The following TCERG1L variants were observed in gnomAD, a reference collection of about 807,000 sequenced individuals.
TCERG1L encodes the protein transcription elongation regulator 1-like protein.
TCERG1L carries 37 observed loss-of-function variants against 56.3 expected under a neutral mutation model. The ratio of observed to expected loss-of-function variants is 0.66; its 90% CI spans 0.51 to 0.87. TCERG1L has a LOEUF of 0.87. TCERG1L is among the 40% of genes least tolerant of loss of function. TCERG1L has a pLI of 0.00. For missense variants in TCERG1L, 799 were observed against 774.2 expected (o/e 1.03, Z -0.38); for synonymous variants, 324 against 326.3 (o/e 0.99, Z 0.08).
intron 8 of TCERG1L, among the ~76,000 whole-genome samples, chr10:131,122,982 G>A (rs548043823): frequency 4.6e-5 from 7 of 152,176 alleles, no homozygotes; most frequent in Admixed American, 3.9e-4. Flanking sequence ...ATTTCCAAGG[G>A]GTCCTCCCAA....
At chr10:131,250,374 G>A (rs1015777389) in intron 4 of TCERG1L, among the ~76,000 whole-genome samples, 8 of 93,066 alleles carry the variant, frequency 8.6e-5, no homozygotes, top group African/African-American at 4.4e-4. Flanking sequence ...TTCAAGTGAG[G>A]TGGAGGGATC....
intron 4 of TCERG1L, among the ~76,000 whole-genome samples, chr10:131,259,805 G>A (rs527406281): frequency 6.6e-6 from 1 of 152,342 alleles, no homozygotes; most frequent in Admixed American, 6.5e-5. Context: ...CCAGCCCAGG[G>A]CCAGAAGGCA....
At chr10:131,280,400 G>C (rs1352613993) in intron 3 of TCERG1L, among the ~76,000 whole-genome samples, 1 of 147,846 alleles carries the variant, frequency 6.8e-6, no homozygotes, top group African/African-American at 2.5e-5. Flanking sequence ...CTGGAAACGA[G>C]GGACAACCCA....
At chr10:131,287,182 G>A (rs542553531) in intron 3 of TCERG1L, among the ~76,000 whole-genome samples, 2 of 152,218 alleles carry the variant, frequency 1.3e-5, no homozygotes, top group South Asian at 4.2e-4. Flanking sequence ...TATCAGAGAC[G>A]GGAAACTTCC....
chr10:131,219,478 CT>C (rs1398911359), intron 4 of TCERG1L, among the ~76,000 whole-genome samples: 2 of 152,216 alleles, frequency 1.3e-5, no homozygotes, highest in Non-Finnish European at 2.9e-5. Context: ...TAGCTTACCC[CT>C]GTGGAGCCTA....
intron 4 of TCERG1L, among the ~76,000 whole-genome samples, chr10:131,217,767 G>A (rs1845686629): frequency 7.8e-6 from 1 of 128,798 alleles, no homozygotes; most frequent in Non-Finnish European, 1.6e-5. Context: ...TGTCACCCAA[G>A]CTGGAGTGCA....
chr10:131,308,313 TTTCA>T lies in TCERG1L; in HGVS notation c.564_567del (p.His188GlnfsTer10), dbSNP rs755204221. 2 of 1,613,990 alleles carry T rather than the reference TTTCA, an allele frequency of 1.2e-6. No homozygotes were observed. Among genetic ancestry groups the T allele is most frequent in the Non-Finnish European group, 1.7e-6 (2 of 1,179,892 alleles). Reference sequence around the variant, plus strand: ...ACTTGATTTGCCAGCAAACGAGGCTTTTCATGCCCATGGAAAAACCTTGACTCCT... The same window carrying T: ...ACTTGATTTGCCAGCAAACGAGGCTTTGCCCATGGAAAAACCTTGACTCCT... On this transcript the variant is annotated frameshift_variant, in exon 3 of 12. Coordinates refer to ENST00000368642, the MANE Select transcript of TCERG1L (RefSeq NM_174937.4). LOFTEE classifies it high-confidence loss of function.
chr10:131,186,666 T>A (rs1845248406), intron 4 of TCERG1L, among the ~76,000 whole-genome samples: 1 of 152,180 alleles, frequency 6.6e-6, no homozygotes. Context: ...GGGCCAAATG[T>A]GTCCCCGAGG....
At chr10:131,288,529 A>G (rs1431138471) in intron 3 of TCERG1L, among the ~76,000 whole-genome samples, 1 of 152,008 alleles carries the variant, frequency 6.6e-6, no homozygotes, top group Non-Finnish European at 1.5e-5. Flanking sequence ...CCTGCCCTCC[A>G]CCCCACTATC....
chr10:131,186,836 GT>G (rs1845250238), intron 4 of TCERG1L, among the ~76,000 whole-genome samples: 1 of 152,188 alleles, frequency 6.6e-6, no homozygotes, highest in Non-Finnish European at 1.5e-5. Flanking sequence ...TCATCGGCTG[GT>G]TTTTGTTTTC....
intron 5 of TCERG1L, among the ~76,000 whole-genome samples, chr10:131,165,202 C>A (rs973539431): frequency 2.0e-5 from 3 of 152,110 alleles, no homozygotes; most frequent in African/African-American, 4.8e-5. Flanking sequence ...GAGTGAGTGG[C>A]CCATGTTGAG....
At chr10:131,107,931 T>C (rs1481400187) in intron 9 of TCERG1L, among the ~76,000 whole-genome samples, 1 of 145,610 alleles carries the variant, frequency 6.9e-6, no homozygotes, top group Non-Finnish European at 1.5e-5. Flanking sequence ...ATGCACACAT[T>C]GATACACACA....
chr10:131,290,705 T>A (rs1846606951), intron 3 of TCERG1L, among the ~76,000 whole-genome samples: 1 of 151,942 alleles, frequency 6.6e-6, no homozygotes, highest in Non-Finnish European at 1.5e-5. Context: ...GTAAGTGATG[T>A]TCTAAGTATG....
chr10:131,144,578 C>T (rs1054053593), intron 7 of TCERG1L, among the ~76,000 whole-genome samples: 1 of 150,762 alleles, frequency 6.6e-6, no homozygotes, highest in Admixed American at 6.6e-5. Context: ...CCTTAAGATT[C>T]AGGTTAAAAA....
chr10:131,099,226 C>A (rs781775055), intron 10 of TCERG1L, among the ~76,000 whole-genome samples: 20 of 152,202 alleles, frequency 1.3e-4, no homozygotes, highest in Non-Finnish European at 2.2e-4. Context: ...GGCAAGGCCC[C>A]AGGGCACTTC....
intron 4 of TCERG1L, among the ~76,000 whole-genome samples, chr10:131,189,416 G>A (rs1845281962): frequency 1.3e-5 from 2 of 152,170 alleles, no homozygotes; most frequent in Admixed American, 6.5e-5. Flanking sequence ...CACATTGAGT[G>A]AGAACATGTG....
intron 4 of TCERG1L, among the ~76,000 whole-genome samples, chr10:131,200,616 C>A (rs560287725): frequency 6.6e-6 from 1 of 152,214 alleles, no homozygotes; most frequent in East Asian, 1.9e-4. Flanking sequence ...GGAAATTTTC[C>A]TCGGAATAAA....
chr10:131,106,867 T>G (rs182378640), intron 9 of TCERG1L, among the ~76,000 whole-genome samples: 2 of 152,322 alleles, frequency 1.3e-5, no homozygotes. Flanking sequence ...ATTTCTATCT[T>G]TAACTGTCAA....
chr10:131,134,922 C>T (rs564162338), intron 7 of TCERG1L, among the ~76,000 whole-genome samples: 4 of 152,318 alleles, frequency 2.6e-5, no homozygotes, highest in Admixed American at 2.0e-4. Flanking sequence ...ACGAGATTCC[C>T]CTACCCCACA....
Sources: gnomAD v4.1 joint callset for allele counts (sites outside exome capture counted in the v4.1 genomes callset) on GRCh38, gnomAD v4.1.1 for gene constraint, MANE v1.5 for transcripts, NCBI Gene and HGNC (gene_info 2026-07-23, HGNC 2026-07-21) for gene names.